Variants in TRIM16 observed in about 807,000 individuals in gnomAD.
TRIM16 encodes the protein tripartite motif-containing protein 16.
In TRIM16, 33 loss-of-function variants were observed where a neutral mutation model predicts 50.4. That is an observed-to-expected ratio of 0.65 (90% CI 0.50 to 0.88). The LOEUF (loss-of-function observed/expected upper bound fraction) is 0.88. TRIM16 is among the 40% of genes least tolerant of loss of function. The probability of loss-of-function intolerance (pLI) is 0.00; values close to 1 mark genes in which losing one functional copy is unlikely to be tolerated. For synonymous variants in TRIM16, 229 were observed against 270.7 expected (o/e 0.85, Z 1.51); for missense variants, 581 against 686.8 (o/e 0.85, Z 1.72).
rs1357765570 is a variant in TRIM16 at position 15,651,658 on chromosome 17, G to T, written c.-49C>A. On this transcript the variant is annotated 5_prime_UTR_variant, in exon 7 of 12. Transcript: ENST00000649191. Reference sequence around the variant, plus strand: ...GTCTTTCTTCTGTCCCTTGGCCCAGGATCTGTGCAGCCCAAGTCAGACAAG... The same window carrying T: ...GTCTTTCTTCTGTCCCTTGGCCCAGTATCTGTGCAGCCCAAGTCAGACAAG... 6.3e-7 allele frequency: 1 copy of T among 1,583,200 alleles called. No individual in the cohort carries two copies. Among genetic ancestry groups the T allele is most frequent in the Non-Finnish European group, 8.6e-7 (1 of 1,165,740 alleles).
intron 6 of TRIM16, among the ~76,000 whole-genome samples, chr17:15,671,584 T>G (rs1333343034): frequency 1.3e-5 from 2 of 151,936 alleles, no homozygotes; most frequent in Non-Finnish European, 2.9e-5. Flanking sequence ...AAGAATGACT[T>G]TTCATTGAAA....
chr17:15,638,439 C>A (rs1447881540), intron 8 of TRIM16, among the ~76,000 whole-genome samples: 1 of 148,028 alleles, frequency 6.8e-6, no homozygotes, highest in Non-Finnish European at 1.5e-5. Context: ...GGTGTGGTGG[C>A]GGGCGCCTGT....
intron 6 of TRIM16, among the ~76,000 whole-genome samples, chr17:15,662,237 AT>A (rs1396656925): frequency 6.6e-6 from 1 of 152,176 alleles, no homozygotes; most frequent in Non-Finnish European, 1.5e-5. Flanking sequence ...CTCTTTCCCC[AT>A]GAGGAGTCAG....
In TRIM16 at chr17:15,628,767, T is replaced by TATC. The variant is rs1259865601; in HGVS notation, c.1540_1542dup (p.Asp514dup). On this transcript the variant is annotated inframe_insertion, in exon 12 of 12. Transcript: ENST00000649191. ...GCAAACTTGTGAACCAGAGTCATGG[T>TATC]ATCATACTCTACGCCATAGAAGGAA... 1.2e-6 allele frequency: 2 copies of TATC among 1,614,094 alleles called. No individual in the cohort carries two copies. Among genetic ancestry groups the TATC allele is most frequent in the African/African-American group, 2.7e-5 (2 of 74,922 alleles).
rs547852792 is a variant in TRIM16 at position 15,682,772 on chromosome 17, G to A, written c.-679+82C>T. 24 of 1,276,584 alleles carry A rather than the reference G, an allele frequency of 1.9e-5. No homozygotes were observed. In the South Asian group the frequency reaches 3.6e-4, roughly 19 times the overall value. 79.1% of individuals were successfully genotyped at this position (1,276,584 alleles called of 1,614,324 possible). The stretch of plus-strand genomic sequence containing the variant: ...GCAGGTGGTATAATGGAAAGAGTAC[G>A]GAAGTAAGGTATCTTCTTTTTTCAG... On this transcript the variant is annotated intron_variant, in intron 3 of 11. Coordinates refer to ENST00000649191, the MANE Select transcript of TRIM16 (RefSeq NM_001348119.1).
rs1987207681 is a variant in TRIM16 at position 15,643,490 on chromosome 17, T to A, written c.520-674A>T. The stretch of plus-strand genomic sequence containing the variant: ...ATGACCCGGAAGCCCTGGTTTCCAG[T>A]TGTCCCACCTTTCCAGACCAAACCA... On this transcript the variant is annotated intron_variant, in intron 7 of 11. Coordinates refer to ENST00000649191, the MANE Select transcript of TRIM16 (RefSeq NM_001348119.1). Among the ~76,000 whole-genome samples the A allele has an allele frequency of 1.4e-5, 2 of 143,430 alleles. 1 individual carries two copies. The highest frequency in any genetic ancestry group is 5.9e-5 in the African/African-American group (2 of 33,988). The allele number at this position is 143,430 out of a possible 152,430, so 94.1% of individuals were successfully genotyped here.
Position 15,636,128 on chromosome 17 carries a change from C to G in TRIM16, c.757G>C (p.Ala253Pro). 1 of 1,609,996 alleles carries G rather than the reference C, an allele frequency of 6.2e-7. No individual in the cohort carries two copies. The highest frequency in any genetic ancestry group is 8.5e-7 in the Non-Finnish European group (1 of 1,178,928). The change falls in exon 9 of 12, where the codon GCC becomes CCC. Residue 253 changes from alanine to proline, a missense_variant. This residue lies in a region of TRIM16 where 450 missense variants were observed against 544.3 expected (regional missense o/e 0.83). Coordinates refer to ENST00000649191, the MANE Select transcript of TRIM16 (RefSeq NM_001348119.1). ...TCGGCACTCCTGTACTCCAGGTGGGCCTTGATACCGTTGGCCTGGCTCAGC... is the reference window on the plus strand; with the variant it reads ...TCGGCACTCCTGTACTCCAGGTGGGGCTTGATACCGTTGGCCTGGCTCAGC... ...AALSQANGIK[A>P]HLEYRSAEME...
In TRIM16 at chr17:15,662,047, T is replaced by C. The variant is rs114157782; in HGVS notation, c.-337-10101A>G. ...GGAAAACATGACCCTCCGACATCCATGCACTCCAGCTCCCAGGATGGGCTC... is the reference window on the plus strand; with the variant it reads ...GGAAAACATGACCCTCCGACATCCACGCACTCCAGCTCCCAGGATGGGCTC... On this transcript the variant is annotated intron_variant, in intron 6 of 11. Coordinates refer to ENST00000649191, the MANE Select transcript of TRIM16 (RefSeq NM_001348119.1). Among the ~76,000 whole-genome samples the C allele has an allele frequency of 3.1e-3, 466 of 152,310 alleles. 1 individual carries two copies. The highest frequency in any genetic ancestry group is 0.011 in the African/African-American group (453 of 41,566).
At chr17:15,658,837 G>A (rs1988089425) in intron 6 of TRIM16, 2 of 985,328 alleles carry the variant, frequency 2.0e-6, no homozygotes, top group South Asian at 9.4e-5. Context: ...TCTGGTTTGG[G>A]GTCACTATCA....
chr17:15,638,258 T>TAAA (rs535590168), intron 8 of TRIM16, among the ~76,000 whole-genome samples: 5,597 of 114,902 alleles, frequency 0.049, 663 homozygotes, highest in African/African-American at 0.19. Flanking sequence ...AAAATAAATT[T>TAAA]AAAAAAAAAA....
At chr17:15,676,469 C>G (rs1467492312) in intron 6 of TRIM16, among the ~76,000 whole-genome samples, 3 of 145,458 alleles carry the variant, frequency 2.1e-5, no homozygotes, top group Non-Finnish European at 4.5e-5. Context: ...GAGTCTCGCT[C>G]TGTCACCCAG....
chr17:15,668,644 C>T (rs1055210717), intron 6 of TRIM16, among the ~76,000 whole-genome samples: 6 of 147,124 alleles, frequency 4.1e-5, no homozygotes, highest in African/African-American at 1.6e-4. Flanking sequence ...CACATGAAAA[C>T]ACACTTTTGC....
chr17:15,680,600 C>A (rs1989145949), intron 4 of TRIM16, among the ~76,000 whole-genome samples: 1 of 152,078 alleles, frequency 6.6e-6, no homozygotes, highest in Admixed American at 6.6e-5. Flanking sequence ...ACACTGCCAA[C>A]TGATGGGCGA....
In TRIM16 at chr17:15,652,663, G is replaced by A. The variant is rs373133822; in HGVS notation, c.-337-717C>T. On this transcript the variant is annotated intron_variant, in intron 6 of 11. Coordinates refer to ENST00000649191, the MANE Select transcript of TRIM16 (RefSeq NM_001348119.1). ...ATTAGTAGAGACAGTGTTTCACCAT[G>A]TTGGCCAGGCTGGTCTCGAACCCTT... Among the ~76,000 whole-genome samples the A allele has an allele frequency of 1.2e-4, 18 of 147,842 alleles. No homozygotes were observed. In the South Asian group the frequency reaches 3.7e-3, roughly 30 times the overall value.
At chr17:15,635,155 T>C (rs1448121872) in intron 9 of TRIM16, among the ~76,000 whole-genome samples, 2 of 146,478 alleles carry the variant, frequency 1.4e-5, no homozygotes, top group East Asian at 4.2e-4. Flanking sequence ...TTTTCAAAAA[T>C]GCAAGCAAGA....
intron 7 of TRIM16, among the ~76,000 whole-genome samples, chr17:15,650,292 A>G (rs1316654442): frequency 6.6e-6 from 1 of 152,196 alleles, no homozygotes; most frequent in Non-Finnish European, 1.5e-5. Flanking sequence ...CTGAAAACTA[A>G]AAGTGTTCGC....
chr17:15,636,265 G>A lies in TRIM16; in HGVS notation c.620C>T (p.Ser207Leu), dbSNP rs374285382. Reference sequence around the variant, plus strand: ...AGCCACCGCTTTGACCTCTGACACCGACACCTGGCAGGGGGTGGGGGTGGA... The same window carrying A: ...AGCCACCGCTTTGACCTCTGACACCAACACCTGGCAGGGGGTGGGGGTGGA... ...LQANQKSVLV[S>L]VSEVKAVAEM... The change falls in exon 9 of 12, where the codon TCG (serine) becomes TTG (leucine). Residue 207 changes from serine (S) to leucine (L), a missense_variant. By Grantham distance (145) the Ser-to-Leu change is moderately radical (BLOSUM62 -2). Coordinates refer to ENST00000649191, the MANE Select transcript of TRIM16 (RefSeq NM_001348119.1). 4.8e-5 allele frequency: 77 copies of A among 1,608,416 alleles called. 1 individual carries two copies. Among genetic ancestry groups the A allele is most frequent in the Admixed American group, 6.7e-5 (4 of 59,892 alleles).
chr17:15,676,183 G>A (rs1988933824), intron 6 of TRIM16, among the ~76,000 whole-genome samples: 1 of 152,108 alleles, frequency 6.6e-6, no homozygotes, highest in Non-Finnish European at 1.5e-5. Context: ...ATGTTTAGCA[G>A]CATTCCTGGA....
intron 4 of TRIM16, among the ~76,000 whole-genome samples, chr17:15,679,863 G>A (rs889334043): frequency 3.3e-5 from 5 of 151,956 alleles, no homozygotes; most frequent in African/African-American, 1.2e-4. Context: ...AGTGAACCTG[G>A]GAGGCGGAGC....
Sources: allele counts gnomAD v4.1 joint callset (sites outside exome capture counted in the v4.1 genomes callset), GRCh38; gene constraint gnomAD v4.1.1; regional missense constraint gnomAD v4.1.1; transcripts MANE v1.5; gene names NCBI Gene and HGNC (gene_info 2026-07-23, HGNC 2026-07-21).